DNER: variants seen among roughly 807,000 people sequenced by gnomAD.
DNER encodes delta and Notch-like epidermal growth factor-related receptor.
Under a neutral mutation model 78.2 loss-of-function variants are expected in DNER, and 33 were observed. That is an observed-to-expected ratio of 0.42 (90% CI 0.32 to 0.56). The LOEUF (loss-of-function observed/expected upper bound fraction) is 0.56. Among genes scored for constraint, DNER ranks in the 20% least tolerant of loss-of-function variants. DNER has a pLI of 0.11. For missense variants in DNER, 918 were observed against 975.3 expected, an observed-to-expected ratio of 0.94 and a Z score of 0.78; for synonymous variants, 417 against 384.8, an observed-to-expected ratio of 1.08 and a Z score of -0.98.
chr2:229,640,825 C>T (rs1698605785), intron 1 of DNER, among the ~76,000 whole-genome samples: 1 of 152,138 alleles, frequency 6.6e-6, no homozygotes, highest in Admixed American at 6.5e-5. Flanking sequence ...TTTTCTCTGG[C>T]AGAACTCCAG....
chr2:229,672,050 TA>T (rs1176846829), intron 1 of DNER, among the ~76,000 whole-genome samples: 1 of 152,236 alleles, frequency 6.6e-6, no homozygotes. Flanking sequence ...GTCTTTCTGT[TA>T]TTTTGCTGTG....
At chr2:229,448,237 G>A (rs1339912444) in intron 7 of DNER, among the ~76,000 whole-genome samples, 1 of 151,662 alleles carries the variant, frequency 6.6e-6, no homozygotes, top group Non-Finnish European at 1.5e-5. Flanking sequence ...AATGTCAAAA[G>A]CATTATGCTA....
chr2:229,462,765 G>A (rs1224762536), intron 7 of DNER, among the ~76,000 whole-genome samples: 1 of 152,024 alleles, frequency 6.6e-6, no homozygotes, highest in Non-Finnish European at 1.5e-5. Context: ...TACAAGTCCT[G>A]TGGGCTCTAA....
intron 1 of DNER, among the ~76,000 whole-genome samples, chr2:229,672,541 C>G (rs1035209388): frequency 2.0e-5 from 3 of 148,034 alleles, no homozygotes; most frequent in African/African-American, 7.5e-5. Context: ...GAGGAAGAAG[C>G]AGGAGGAGGA....
chr2:229,367,143 G>C lies in DNER; in HGVS notation c.1856-24C>G, dbSNP rs1241049273. On this transcript the variant is annotated intron_variant, in intron 11 of 12. Transcript: ENST00000341772. ...GTCTGCAGGCAAAAATAAGCAAATGGCTGGGTATGAGTTGTCACCTTTGAG... is the reference window on the plus strand; with the variant it reads ...GTCTGCAGGCAAAAATAAGCAAATGCCTGGGTATGAGTTGTCACCTTTGAG... 1.9e-6 allele frequency: 3 copies of C among 1,613,506 alleles called. No individual in the cohort carries two copies. The Admixed American group carries it at 5.0e-5, about 27-fold the overall frequency.
intron 7 of DNER, among the ~76,000 whole-genome samples, chr2:229,450,000 T>A (rs539953714): frequency 2.0e-5 from 3 of 152,342 alleles, no homozygotes; most frequent in Admixed American, 2.0e-4. Flanking sequence ...CAGGCTGGTC[T>A]CGAACTCCTG....
intron 6 of DNER, among the ~76,000 whole-genome samples, chr2:229,510,969 A>G (rs1378744248): frequency 6.6e-6 from 1 of 152,192 alleles, no homozygotes. Flanking sequence ...TCTGGCCTGC[A>G]AGAGAAATAC....
rs116643032 is a variant in DNER at position 229,617,573 on chromosome 2, T to C, written c.277-25685A>G. Among the ~76,000 whole-genome samples, 602 of 152,338 alleles carry C rather than the reference T, an allele frequency of 4.0e-3. 2 individuals carry two copies. The highest frequency in any genetic ancestry group is 0.02 in the South Asian group (98 of 4,824). ...CAAAAAAAAAGTTTATATTTTTTGCTGATATTGTAAGTCATTTATTTCCAT... is the reference window on the plus strand; with the variant it reads ...CAAAAAAAAAGTTTATATTTTTTGCCGATATTGTAAGTCATTTATTTCCAT... On this transcript the variant is annotated intron_variant, in intron 1 of 12. Coordinates refer to ENST00000341772, the MANE Select transcript of DNER (RefSeq NM_139072.4).
chr2:229,388,697 C>A (rs1692955493), intron 10 of DNER, among the ~76,000 whole-genome samples: 1 of 136,922 alleles, frequency 7.3e-6, no homozygotes. Flanking sequence ...AGTTAACTAG[C>A]TTCATTTAGC....
rs984594663 is a variant in DNER, at chr2:229,653,927, C to A, written c.276+60221G>T. 1.2e-4 allele frequency among the ~76,000 whole-genome samples: 19 copies of A among 152,262 alleles called. No individual in the cohort carries two copies. In the East Asian group the frequency reaches 3.3e-3, roughly 26 times the overall value. On this transcript the variant is annotated intron_variant, in intron 1 of 12. Transcript: ENST00000341772. ...TGCTGCAAAATGCCAAAGAAAAATA[C>A]AAAAGTCATGAGGACGTTCAGCAAG... is the stretch of plus-strand genomic sequence containing the variant.
intron 12 of DNER, among the ~76,000 whole-genome samples, chr2:229,366,335 AG>A (rs1692346302): frequency 6.6e-6 from 1 of 152,198 alleles, no homozygotes; most frequent in Non-Finnish European, 1.5e-5. Flanking sequence ...GGAGTCATTA[AG>A]ACTCAAAGCT....
rs191013289 is a variant in DNER, at chr2:229,459,953, C to T, written c.1262-12413G>A. 4.7e-4 allele frequency among the ~76,000 whole-genome samples: 72 copies of T among 151,704 alleles called. 1 individual carries two copies. The highest frequency in any genetic ancestry group is 1.4e-3 in the African/African-American group (57 of 41,256). On this transcript the variant is annotated intron_variant, in intron 7 of 12. Coordinates refer to ENST00000341772, the MANE Select transcript of DNER (RefSeq NM_139072.4). ...CGGGTGGATCACAAGGTCAAAAGAT[C>T]GAGACCATCCTGTCTAACATGGTGA...
chr2:229,425,872 A>T (rs2106352547), intron 8 of DNER, among the ~76,000 whole-genome samples: 1 of 152,324 alleles, frequency 6.6e-6, no homozygotes, highest in Admixed American at 6.5e-5. Context: ...CAGGACAACC[A>T]GGGGGAGGTC....
chr2:229,476,198 A>G (rs1466568446), intron 7 of DNER, among the ~76,000 whole-genome samples: 2 of 152,148 alleles, frequency 1.3e-5, no homozygotes, highest in African/African-American at 4.8e-5. Context: ...GAGCAGGAAG[A>G]CAAGAACCTG....
chr2:229,453,920 T>TAAAAAAAAAAAA (rs10602558), intron 7 of DNER, among the ~76,000 whole-genome samples: 3 of 106,866 alleles, frequency 2.8e-5, no homozygotes, highest in Non-Finnish European at 5.7e-5. Flanking sequence ...TAAAATATAT[T>TAAAAAAAAAAAA]AAAAAAAAAA....
At chr2:229,670,152 C>G (rs550601175) in intron 1 of DNER, among the ~76,000 whole-genome samples, 4 of 152,242 alleles carry the variant, frequency 2.6e-5, no homozygotes, top group Non-Finnish European at 5.9e-5. Flanking sequence ...ACAGAAAAAA[C>G]TGAGGTCATT....
intron 1 of DNER, among the ~76,000 whole-genome samples, chr2:229,598,555 T>C (rs759537): frequency 6.6e-6 from 1 of 152,010 alleles, no homozygotes; most frequent in African/African-American, 2.4e-5. Flanking sequence ...AACACCTTTA[T>C]GTTAAACTAC....
chr2:229,377,109 C>T (rs1355818830), intron 11 of DNER, among the ~76,000 whole-genome samples: 6 of 152,164 alleles, frequency 3.9e-5, no homozygotes, highest in African/African-American at 1.4e-4. Context: ...CCTCAGATTA[C>T]AAGCTCCCAA....
intron 5 of DNER, among the ~76,000 whole-genome samples, chr2:229,521,249 TTA>T (rs1160621715): frequency 6.6e-6 from 1 of 152,218 alleles, no homozygotes; most frequent in African/African-American, 2.4e-5. Flanking sequence ...GCAGCCACTT[TTA>T]CCGACAGCTT....
Sources: gnomAD v4.1 joint callset for allele counts (sites outside exome capture counted in the v4.1 genomes callset) on GRCh38, gnomAD v4.1.1 for gene constraint, MANE v1.5 for transcripts, NCBI Gene and HGNC (gene_info 2026-07-23, HGNC 2026-07-21) for gene names.